Variants in PRKD1 observed in about 807,000 individuals in gnomAD.
PRKD1 encodes protein kinase D1, also known as serine/threonine-protein kinase D1.
Under a neutral mutation model 95.9 loss-of-function variants are expected in PRKD1, and 63 were observed. The ratio of observed to expected loss-of-function variants is 0.66; its 90% CI spans 0.54 to 0.81. The LOEUF (loss-of-function observed/expected upper bound fraction) is 0.81, where lower values mean the gene tolerates loss of function less well. Ranked by LOEUF, PRKD1 falls within the 30% of genes least tolerant of loss-of-function variation. The pLI, the probability that PRKD1 is intolerant of heterozygous loss-of-function variation, is 0.00. For missense variants in PRKD1, 1,048 were observed against 1,165.3 expected, an observed-to-expected ratio of 0.90 and a Z score of 1.47; for synonymous variants, 425 against 423.1, an observed-to-expected ratio of 1.00 and a Z score of -0.05.
At chr14:29,652,297 A>T (rs1566515378) in intron 4 of PRKD1, among the ~76,000 whole-genome samples, 4 of 152,058 alleles carry the variant, frequency 2.6e-5, no homozygotes, top group South Asian at 2.1e-4. Context: ...TGTTTTTAAG[A>T]CCTATATATT....
intron 2 of PRKD1, among the ~76,000 whole-genome samples, chr14:29,709,810 CT>C (rs1428325380): frequency 6.6e-6 from 1 of 152,158 alleles, no homozygotes. Context: ...GGGCAATCTA[CT>C]TTATTCCATC....
intron 13 of PRKD1, among the ~76,000 whole-genome samples, chr14:29,620,330 A>C (rs58572389): frequency 0.012 from 1,857 of 150,160 alleles, 42 homozygotes; most frequent in African/African-American, 0.043. Context: ...CAAATGGGAT[A>C]TAATTAAACT....
At chr14:29,585,174 T>C (rs1269318962) in intron 16 of PRKD1, among the ~76,000 whole-genome samples, 2 of 152,162 alleles carry the variant, frequency 1.3e-5, no homozygotes, top group East Asian at 3.9e-4. Flanking sequence ...ATTTTAAAAA[T>C]CGTTTTGCAA....
intron 4 of PRKD1, chr14:29,652,800 T>G (rs1881595822): frequency 6.6e-6 from 1 of 152,196 alleles, no homozygotes; most frequent in East Asian, 1.9e-4. Flanking sequence ...AGTCTCTACT[T>G]CTAAATAGAC....
chr14:29,858,251 A>C (rs1594581911), intron 1 of PRKD1, among the ~76,000 whole-genome samples: 1 of 152,210 alleles, frequency 6.6e-6, no homozygotes, highest in African/African-American at 2.4e-5. Flanking sequence ...ATCTGACCTC[A>C]TAATTCATTG....
At chr14:29,753,509 T>A (rs1887569559) in intron 1 of PRKD1, among the ~76,000 whole-genome samples, 1 of 152,160 alleles carries the variant, frequency 6.6e-6, no homozygotes, top group African/African-American at 2.4e-5. Context: ...ACAACACGTT[T>A]GCCATTTCTG....
intron 4 of PRKD1, among the ~76,000 whole-genome samples, chr14:29,649,548 CAG>C: frequency 6.6e-6 from 1 of 151,154 alleles, no homozygotes; most frequent in Non-Finnish European, 1.5e-5. Flanking sequence ...AGCTGTTAAA[CAG>C]GGCTGTATTT....
chr14:29,733,491 G>A lies in PRKD1; in HGVS notation c.265-7817C>T, dbSNP rs370749233. 5.9e-5 allele frequency among the ~76,000 whole-genome samples: 9 copies of A among 152,172 alleles called. 1 individual carries two copies. The highest frequency in any genetic ancestry group is 2.2e-4 in the African/African-American group (9 of 41,490). On this transcript the variant is annotated intron_variant, in intron 1 of 17. Transcript: ENST00000331968. The stretch of plus-strand genomic sequence containing the variant: ...CATGCTGCTATAAAGAAATACCTGA[G>A]GCTGGTTAATTTCTAAAGAAAAGAG...
intron 2 of PRKD1, among the ~76,000 whole-genome samples, chr14:29,667,876 ATAAT>A (rs1467162038): frequency 6.6e-6 from 1 of 152,110 alleles, no homozygotes; most frequent in African/African-American, 2.4e-5. Flanking sequence ...AGGAATATAA[ATAAT>A]TAAACTAAAG....
intron 2 of PRKD1, among the ~76,000 whole-genome samples, chr14:29,704,387 G>A (rs561864755): frequency 8.9e-4 from 135 of 152,152 alleles, no homozygotes; most frequent in African/African-American, 3.1e-3. Context: ...ATTTGGTATC[G>A]AGTCCGACTA....
intron 1 of PRKD1, among the ~76,000 whole-genome samples, chr14:29,726,073 T>C (rs1250588718): frequency 2.0e-5 from 3 of 150,678 alleles, no homozygotes; most frequent in African/African-American, 4.9e-5. Context: ...CCATTACACA[T>C]AATAATGGCA....
At chr14:29,713,463 A>C (rs1051510941) in intron 2 of PRKD1, among the ~76,000 whole-genome samples, 5 of 152,194 alleles carry the variant, frequency 3.3e-5, no homozygotes, top group Non-Finnish European at 7.4e-5. Flanking sequence ...TATAACAATA[A>C]AGTTATATGA....
chr14:29,669,164 G>T (rs1594411857), intron 2 of PRKD1, among the ~76,000 whole-genome samples: 2 of 152,262 alleles, frequency 1.3e-5, no homozygotes, highest in East Asian at 3.9e-4. Flanking sequence ...AAGAAGCCAT[G>T]AAATAAAGTA....
rs1222159653 is a variant in PRKD1, at chr14:29,638,833, T to A, written c.768A>T (p.Pro256=). 1.2e-6 allele frequency: 2 copies of A among 1,608,308 alleles called. No individual in the cohort carries two copies. Among genetic ancestry groups the A allele is most frequent in the Non-Finnish European group, 1.7e-6 (2 of 1,177,078 alleles). ...RSNSQSYIGR[P]IHLDKILMSK... The stretch of plus-strand genomic sequence containing the variant: ...ACATCAAAATCTTGTCAAGGTGAAT[T>A]GGTCGTCCAATGTATGATTGAGAAT... Residue 256 remains proline (P), a synonymous_variant, in exon 5 of 18, where the codon CCA becomes CCT. Coordinates refer to ENST00000331968, the MANE Select transcript of PRKD1 (RefSeq NM_002742.3).
At chr14:29,816,697 T>C (rs1478900212) in intron 1 of PRKD1, among the ~76,000 whole-genome samples, 1 of 152,186 alleles carries the variant, frequency 6.6e-6, no homozygotes, top group African/African-American at 2.4e-5. Flanking sequence ...CCTCTTTGGT[T>C]TCAGGGTGTC....
intron 2 of PRKD1, among the ~76,000 whole-genome samples, chr14:29,687,959 G>C (rs747951476): frequency 9.3e-4 from 142 of 152,236 alleles, no homozygotes; most frequent in Non-Finnish European, 1.7e-3. Flanking sequence ...ACAGCAATAG[G>C]ACTGTAAACT....
At chr14:29,710,687 T>C (rs1376862607) in intron 2 of PRKD1, among the ~76,000 whole-genome samples, 1 of 152,164 alleles carries the variant, frequency 6.6e-6, no homozygotes, top group Non-Finnish European at 1.5e-5. Context: ...TCAAATCATA[T>C]ACCAATGTTA....
intron 11 of PRKD1, among the ~76,000 whole-genome samples, 162 bp from the exon 12 acceptor site, chr14:29,626,718 CTTT>C (rs34249162): frequency 7.0e-6 from 1 of 143,416 alleles, no homozygotes; most frequent in African/African-American, 2.5e-5. Context: ...AAAGCACACT[CTTT>C]TTTTTTTTTT....
rs1294428677 is a variant in PRKD1 at position 29,663,103 on chromosome 14, TAATA to T, written c.696+592_696+595del. On this transcript the variant is annotated intron_variant, in intron 4 of 17. Transcript: ENST00000331968. ...TAAAATATATACTATATAATATATA[TAATA>T]TATAAAAATATATATCTTATGGATA... Among the ~76,000 whole-genome samples, 5 of 144,748 alleles carry T rather than the reference TAATA, an allele frequency of 3.5e-5. 1 individual carries two copies. The highest frequency in any genetic ancestry group is 1.3e-4 in the African/African-American group (5 of 39,614). 95.0% of individuals were successfully genotyped at this position (144,748 alleles called of 152,430 possible).
Sources: gnomAD v4.1 joint callset for allele counts (sites outside exome capture counted in the v4.1 genomes callset) on GRCh38, gnomAD v4.1.1 for gene constraint, MANE v1.5 for transcripts, NCBI Gene and HGNC (gene_info 2026-07-23, HGNC 2026-07-21) for gene names.